UPK1B: variants seen among roughly 807,000 people sequenced by gnomAD.
The protein encoded by UPK1B is uroplakin 1B, also known as uroplakin-1b.
In UPK1B, 28 loss-of-function variants were observed where a neutral mutation model predicts 34.2. The ratio of observed to expected loss-of-function variants is 0.82; its 90% confidence interval spans 0.61 to 1.12. The LOEUF is 1.12. Among genes scored for constraint, UPK1B ranks in the 50% most tolerant of loss-of-function variants. The pLI, the probability that UPK1B is intolerant of heterozygous loss-of-function variation, is 0.00. For synonymous variants in UPK1B, 81 were observed against 110.4 expected (o/e 0.73, Z 1.67); for missense variants, 325 against 320.9 (o/e 1.01, Z -0.10).
At chr3:119,192,807 T>A (rs1222045032) in intron 5 of UPK1B, among the ~76,000 whole-genome samples, 1 of 152,160 alleles carries the variant, frequency 6.6e-6, no homozygotes, top group Non-Finnish European at 1.5e-5. Context: ...AGTTTCTCCC[T>A]TTCAACAGCC....
chr3:119,179,505 G>GTATTTTT (rs1293357139), intron 1 of UPK1B, among the ~76,000 whole-genome samples: 1 of 45,266 alleles, frequency 2.2e-5, no homozygotes, highest in Non-Finnish European at 5.1e-5. Flanking sequence ...TGATGTTGCA[G>GTATTTTT]TCTTTTTTTT....
intron 1 of UPK1B, among the ~76,000 whole-genome samples, chr3:119,175,596 G>A (rs534171249): frequency 3.7e-5 from 5 of 136,470 alleles, no homozygotes; most frequent in Admixed American, 1.8e-4. Flanking sequence ...CATCTCTCTG[G>A]CAATGCCCAC....
Position 119,187,973 on chromosome 3 carries a change from G to A in UPK1B, c.268G>A (p.Ala90Thr), listed in dbSNP as rs1440016368. 3 of 1,614,014 alleles carry A rather than the reference G, an allele frequency of 1.9e-6. No individual in the cohort carries two copies. Among genetic ancestry groups the A allele is most frequent in the African/African-American group, 2.7e-5 (2 of 74,894 alleles). ...IMKSSRKILL[A>T]YFILMFIVYA... Reference sequence around the variant, plus strand: ...GAAGTCCAGCAGGAAAATTCTTCTGGCGGTAAGACCTCAAAATTCTCTGGA... The same window carrying A: ...GAAGTCCAGCAGGAAAATTCTTCTGACGGTAAGACCTCAAAATTCTCTGGA... Residue 90 changes from alanine to threonine, a missense_variant and splice_region_variant, in exon 3 of 8, where the codon GCG (alanine) becomes ACG (threonine). Coordinates refer to ENST00000264234, the MANE Select transcript of UPK1B (RefSeq NM_006952.4).
At chr3:119,182,104 A>G (rs2077992408) in intron 1 of UPK1B, among the ~76,000 whole-genome samples, 2 of 152,370 alleles carry the variant, frequency 1.3e-5, no homozygotes, top group South Asian at 4.1e-4. Flanking sequence ...GTGGATGTGC[A>G]GCTTGGTACC....
At chr3:119,201,514 C>T (rs1246987117) in intron 7 of UPK1B, among the ~76,000 whole-genome samples, 1 of 152,064 alleles carries the variant, frequency 6.6e-6, no homozygotes, top group African/African-American at 2.4e-5. Context: ...GAGAACGGCA[C>T]AGAAAAAAAC....
In UPK1B at chr3:119,177,217, C is replaced by T. The variant is rs184856924; in HGVS notation, c.-29+3579C>T. Among the ~76,000 whole-genome samples the T allele has an allele frequency of 1.9e-3, 283 of 152,312 alleles. 2 individuals carry two copies. Among genetic ancestry groups the T allele is most frequent in the South Asian group, 0.018 (89 of 4,822 alleles). On this transcript the variant is annotated intron_variant, in intron 1 of 7. Coordinates refer to ENST00000264234, the MANE Select transcript of UPK1B (RefSeq NM_006952.4). ...AGGAAAAGGATAGAAGGCTTTCTCC[C>T]TGCCAGCTTTGTTTATGTGGCTCCC...
intron 6 of UPK1B, among the ~76,000 whole-genome samples, chr3:119,195,554 G>C (rs1425910157): frequency 2.0e-5 from 3 of 152,172 alleles, no homozygotes; most frequent in African/African-American, 7.2e-5. Flanking sequence ...ACATTGTCTG[G>C]CATTGTTTTA....
chr3:119,202,634 TA>T (rs1395709263), intron 7 of UPK1B, among the ~76,000 whole-genome samples: 1 of 152,208 alleles, frequency 6.6e-6, no homozygotes, highest in Non-Finnish European at 1.5e-5. Context: ...GTACCAGATC[TA>T]AAACAGAGCC....
At chr3:119,191,810 C>T (rs1295456308) in intron 5 of UPK1B, among the ~76,000 whole-genome samples, 1 of 152,172 alleles carries the variant, frequency 6.6e-6, no homozygotes, top group Middle Eastern at 3.2e-3. Flanking sequence ...TTCTTGCTCC[C>T]CTTGGCTGCC....
At position 119,186,916 on chromosome 3, in the gene UPK1B, T is replaced by A. The variant is rs143696270; in HGVS notation, c.69+106T>A. ...GAAAATAATGCTGTGATTACTGGCT[T>A]CCTATATTTTTGCTTCATTTTAAGA... On this transcript the variant is annotated intron_variant, in intron 2 of 7. Coordinates refer to ENST00000264234, the MANE Select transcript of UPK1B (RefSeq NM_006952.4). 1.0e-4 allele frequency: 123 copies of A among 1,182,652 alleles called. No homozygotes were observed. The East Asian group carries it at 2.9e-3, about 28-fold the overall frequency. 73.3% of individuals were successfully genotyped at this position (1,182,652 alleles called of 1,614,324 possible).
intron 5 of UPK1B, among the ~76,000 whole-genome samples, chr3:119,192,899 T>G (rs1473500748): frequency 6.6e-6 from 1 of 152,226 alleles, no homozygotes; most frequent in Non-Finnish European, 1.5e-5. Context: ...TACTACTGTT[T>G]TGTTTTATTC....
At chr3:119,186,340 T>C (rs753697131) in intron 1 of UPK1B, among the ~76,000 whole-genome samples, 37 of 152,204 alleles carry the variant, frequency 2.4e-4, no homozygotes, top group Non-Finnish European at 4.4e-4. Flanking sequence ...GGGTTTCCAT[T>C]TGTCATGGCC....
Position 119,186,749 on chromosome 3 carries a change from A to G in UPK1B, c.8A>G (p.Lys3Arg). The change falls in exon 2 of 8, where the codon AAA becomes AGA. Residue 3 changes from lysine (K) to arginine (R), a missense_variant. Coordinates refer to ENST00000264234, the MANE Select transcript of UPK1B (RefSeq NM_006952.4). MA[K>R]DNSTVRCFQG... ...TTGTGGGAAATCCCGAAGATGGCCA[A>G]AGACAACTCAACTGTTCGTTGCTTC... 1 of 1,614,164 alleles carries G rather than the reference A, an allele frequency of 6.2e-7. No homozygotes were observed.
Position 119,187,800 on chromosome 3 carries a change from A to G in UPK1B, c.95A>G (p.Glu32Gly). 3 of 1,611,986 alleles carry G rather than the reference A, an allele frequency of 1.9e-6. No individual in the cohort carries two copies. Among genetic ancestry groups the G allele is most frequent in the Non-Finnish European group, 2.5e-6 (3 of 1,179,536 alleles). ...IGCCGIALTA[E>G]CIFFVSDQHS... ...TGTTGCGGCATTGCCCTGACTGCGGAGTGCATCTTCTTTGTATCTGACCAA... is the reference window on the plus strand; with the variant it reads ...TGTTGCGGCATTGCCCTGACTGCGGGGTGCATCTTCTTTGTATCTGACCAA... The change falls in exon 3 of 8, where the codon GAG becomes GGG. Residue 32 changes from glutamate to glycine, a missense_variant. Coordinates refer to ENST00000264234, the MANE Select transcript of UPK1B (RefSeq NM_006952.4).
At chr3:119,190,872 T>C (rs2078040803) in intron 4 of UPK1B, 110 bp from the exon 5 acceptor site, 1 of 1,488,442 alleles carries the variant, frequency 6.7e-7, no homozygotes, top group Non-Finnish European at 9.1e-7. Flanking sequence ...ACAGTTTTGC[T>C]CCAGGAGAGA....
intron 5 of UPK1B, among the ~76,000 whole-genome samples, chr3:119,193,521 G>A (rs1243229918): frequency 6.6e-6 from 1 of 152,160 alleles, no homozygotes; most frequent in South Asian, 2.1e-4. Context: ...TGTAAGGGAT[G>A]TATTAATTGG....
chr3:119,198,956 T>G (rs1343761905), intron 6 of UPK1B, 101 bp from the exon 7 acceptor site: 1 of 1,332,146 alleles, frequency 7.5e-7, no homozygotes, highest in Non-Finnish European at 1.1e-6. Context: ...GAAATCAGAA[T>G]TTTGAGTAGC....
intron 6 of UPK1B, among the ~76,000 whole-genome samples, chr3:119,194,782 C>A (rs1315993258): frequency 6.6e-6 from 1 of 152,200 alleles, no homozygotes; most frequent in East Asian, 1.9e-4. Context: ...AATTCCAAAG[C>A]AATGACTATT....
rs869040325 is a variant in UPK1B at position 119,179,805 on chromosome 3, C to CT, written c.-29+6204dup. Among the ~76,000 whole-genome samples, 8 of 50,600 alleles carry CT rather than the reference C, an allele frequency of 1.6e-4. 3 individuals carry two copies. The highest frequency in any genetic ancestry group is 5.0e-4 in the African/African-American group (6 of 12,056). 33.2% of individuals were successfully genotyped at this position (50,600 alleles called of 152,430 possible). On this transcript the variant is annotated intron_variant, in intron 1 of 7. Coordinates refer to ENST00000264234, the MANE Select transcript of UPK1B (RefSeq NM_006952.4). Reference sequence around the variant, plus strand: ...TACAGGCGTGAGCCACCACGCCCGGCTTTTTTTTTTTTTTTTTTTTTTTTT... The same window carrying CT: ...TACAGGCGTGAGCCACCACGCCCGGCTTTTTTTTTTTTTTTTTTTTTTTTTT...
Sources: allele counts gnomAD v4.1 joint callset (sites outside exome capture counted in the v4.1 genomes callset), GRCh38; gene constraint gnomAD v4.1.1; transcripts MANE v1.5; gene names NCBI Gene and HGNC (gene_info 2026-07-23, HGNC 2026-07-21).